The following TXLNB variants were observed in gnomAD, a reference collection of about 807,000 sequenced individuals.
The protein encoded by TXLNB is beta-taxilin.
Under a neutral mutation model 57.4 loss-of-function variants are expected in TXLNB, and 37 were observed. The ratio of observed to expected loss-of-function variants is 0.64; its 90% CI spans 0.50 to 0.85. The LOEUF (loss-of-function observed/expected upper bound fraction) is 0.85. Ranked by LOEUF, TXLNB falls within the 40% of genes least tolerant of loss-of-function variation. The pLI is 0.00. For synonymous variants in TXLNB, 302 were observed against 309.6 expected (o/e 0.98, Z 0.26); for missense variants, 848 against 825.6 (o/e 1.03, Z -0.33).
the TXLNB span, among the ~76,000 whole-genome samples, chr6:139,309,393 G>A: frequency 7.2e-5 from 11 of 152,226 alleles, no homozygotes; most frequent in Non-Finnish European, 1.2e-4. Context: ...TAGATCTTGC[G>A]TACACACACA....
At chr6:139,289,964 C>G (rs568707311) in intron 1 of TXLNB, among the ~76,000 whole-genome samples, 1 of 152,164 alleles carries the variant, frequency 6.6e-6, no homozygotes, top group Non-Finnish European at 1.5e-5. Context: ...ATAGAGGAGA[C>G]ATTTCTCACT....
intron 9 of TXLNB, among the ~76,000 whole-genome samples, chr6:139,244,004 G>T (rs555239397): frequency 6.6e-6 from 1 of 151,078 alleles, no homozygotes; most frequent in Non-Finnish European, 1.5e-5. Context: ...TCCCCCACTC[G>T]TTATACATGG....
the TXLNB span, among the ~76,000 whole-genome samples, chr6:139,199,118 T>A: frequency 6.6e-6 from 1 of 152,142 alleles, no homozygotes; most frequent in Non-Finnish European, 1.5e-5. Context: ...ACAGGGCCCA[T>A]GTTGTTAGAA....
the TXLNB span, among the ~76,000 whole-genome samples, chr6:139,313,174 G>A: frequency 2.0e-5 from 3 of 151,590 alleles, no homozygotes; most frequent in African/African-American, 4.9e-5. Context: ...CCGGGTTCAC[G>A]CCATTCTCCT....
chr6:139,266,603 GAC>G (rs1776621533), intron 4 of TXLNB, among the ~76,000 whole-genome samples: 1 of 152,056 alleles, frequency 6.6e-6, no homozygotes, highest in Admixed American at 6.5e-5. Flanking sequence ...AGACCTGTGG[GAC>G]AATATCAAAA....
At chr6:139,285,311 T>G (rs1285304535) in intron 2 of TXLNB, among the ~76,000 whole-genome samples, 4 of 139,056 alleles carry the variant, frequency 2.9e-5, no homozygotes, top group Admixed American at 1.4e-4. Flanking sequence ...CACACCCCAA[T>G]TCTTATGTAA....
At chr6:139,233,151 C>T in the TXLNB span, among the ~76,000 whole-genome samples, 63 of 151,950 alleles carry the variant, frequency 4.1e-4, no homozygotes, top group African/African-American at 1.4e-3. Flanking sequence ...ACCTGTACTA[C>T]TGTGTCCTCC....
intron 6 of TXLNB, among the ~76,000 whole-genome samples, chr6:139,259,487 C>T (rs745708387): frequency 6.6e-6 from 1 of 152,146 alleles, no homozygotes; most frequent in Non-Finnish European, 1.5e-5. Context: ...ATGCTGGAGA[C>T]GATGCTCCAA....
chr6:139,278,081 T>A (rs189147574), intron 2 of TXLNB, among the ~76,000 whole-genome samples: 1 of 152,312 alleles, frequency 6.6e-6, no homozygotes, highest in African/African-American at 2.4e-5. Flanking sequence ...ACCTGGCAAC[T>A]TTACATGGAA....
intron 2 of TXLNB, among the ~76,000 whole-genome samples, chr6:139,278,134 G>C (rs1324413099): frequency 6.6e-6 from 1 of 152,140 alleles, no homozygotes; most frequent in Non-Finnish European, 1.5e-5. Context: ...AGAGCATCCA[G>C]ACTAACCGGT....
intron 5 of TXLNB, among the ~76,000 whole-genome samples, chr6:139,261,059 C>T (rs1413319063): frequency 3.3e-5 from 5 of 152,124 alleles, no homozygotes; most frequent in Admixed American, 2.6e-4. Flanking sequence ...CTCGCCACAC[C>T]TTTTGACCTC....
At chr6:139,189,732 A>C in the TXLNB span, among the ~76,000 whole-genome samples, 1 of 152,226 alleles carries the variant, frequency 6.6e-6, no homozygotes, top group Non-Finnish European at 1.5e-5. Flanking sequence ...GAGAGAGGTC[A>C]GAGCCAGATG....
the TXLNB span, among the ~76,000 whole-genome samples, chr6:139,202,155 G>A: frequency 3.9e-5 from 6 of 152,152 alleles, no homozygotes; most frequent in East Asian, 1.9e-4. Context: ...GAATCTAACT[G>A]GCATAGATCA....
the TXLNB span, among the ~76,000 whole-genome samples, chr6:139,205,785 C>G: frequency 1.1e-4 from 16 of 152,242 alleles, no homozygotes; most frequent in East Asian, 3.1e-3. Context: ...AAAAACTTCC[C>G]TGGCTTTGCT....
At chr6:139,272,607 T>C (rs1396262278) in intron 3 of TXLNB, among the ~76,000 whole-genome samples, 1 of 152,244 alleles carries the variant, frequency 6.6e-6, no homozygotes, top group Non-Finnish European at 1.5e-5. Context: ...TAATCTGTTA[T>C]TAAATATTTC....
chr6:139,319,002 G>T, the TXLNB span, among the ~76,000 whole-genome samples: 17 of 147,168 alleles, frequency 1.2e-4, no homozygotes, highest in South Asian at 8.6e-4. Flanking sequence ...GAGTGCAATG[G>T]CGCGATCTCA....
the TXLNB span, among the ~76,000 whole-genome samples, chr6:139,204,492 C>G: frequency 6.6e-6 from 1 of 152,174 alleles, no homozygotes; most frequent in Non-Finnish European, 1.5e-5. Context: ...GGAAGGCAGC[C>G]AGTGGACCCA....
At chr6:139,183,198 T>A in the TXLNB span, 1 of 152,172 alleles carries the variant, frequency 6.6e-6, no homozygotes, top group East Asian at 1.9e-4. Context: ...AGTAAGTTCA[T>A]ATAGTTAATG....
the TXLNB span, among the ~76,000 whole-genome samples, chr6:139,234,895 T>C: frequency 2.0e-5 from 3 of 152,180 alleles, no homozygotes; most frequent in Non-Finnish European, 4.4e-5. Context: ...TGAAAGCAGC[T>C]GGGAAGGGCA....
Sources: allele counts gnomAD v4.1 joint callset (sites outside exome capture counted in the v4.1 genomes callset), GRCh38; gene constraint gnomAD v4.1.1; transcripts MANE v1.5; gene names NCBI Gene and HGNC (gene_info 2026-07-23, HGNC 2026-07-21).